The following FAM169A variants were observed in gnomAD, a reference collection of about 807,000 sequenced individuals.
FAM169A encodes the protein soluble lamin-associated protein of 75 kDa.
A neutral mutation model predicts 75.7 loss-of-function variants in FAM169A; 24 were observed. The observed-to-expected ratio is 0.32, with a 90% CI of 0.23 to 0.45. The LOEUF (loss-of-function observed/expected upper bound fraction) is 0.45, where lower values mean the gene tolerates loss of function less well. Ranked by LOEUF, FAM169A falls within the 20% of genes least tolerant of loss-of-function variation. The probability of loss-of-function intolerance (pLI) is 1.00; values close to 1 mark genes in which losing one functional copy is unlikely to be tolerated. For synonymous variants in FAM169A, 271 were observed against 271.0 expected (o/e 1.00, Z 0.00); for missense variants, 673 against 784.0 (o/e 0.86, Z 1.69).
Position 74,804,526 on chromosome 5 carries a change from A to G in FAM169A, c.879T>C (p.Thr293=), listed in dbSNP as rs757187748. ...PASVPEYEAR[T]EDNQSSEMQL... The stretch of plus-strand genomic sequence containing the variant: ...GCATCTCACTAGACTGATTGTCTTC[A>G]GTTCTTGCTTCGTATTCTGGAACAG... The change falls in exon 8 of 13, where the codon ACT becomes ACC. Residue 293 remains threonine, a synonymous_variant. Transcript: ENST00000687041. 5 of 1,609,902 alleles carry G rather than the reference A, an allele frequency of 3.1e-6. No individual in the cohort carries two copies. The South Asian group carries it at 5.5e-5, about 18-fold the overall frequency.
chr5:74,852,168 A>G (rs1437603626), intron 1 of FAM169A, among the ~76,000 whole-genome samples: 3 of 152,212 alleles, frequency 2.0e-5, no homozygotes, highest in Non-Finnish European at 4.4e-5. Flanking sequence ...CAAACTCCCT[A>G]GTATTTTCAC....
intron 1 of FAM169A, among the ~76,000 whole-genome samples, chr5:74,854,498 T>C (rs908442128): frequency 6.6e-6 from 1 of 152,186 alleles, no homozygotes; most frequent in African/African-American, 2.4e-5. Flanking sequence ...AAATGTAGAA[T>C]ACATTGTTGA....
chr5:74,804,932 T>A (rs1299386793), intron 7 of FAM169A, among the ~76,000 whole-genome samples: 1 of 152,112 alleles, frequency 6.6e-6, no homozygotes, highest in African/African-American at 2.4e-5. Flanking sequence ...CTGTTCTAGG[T>A]CTCCTTGTTA....
chr5:74,802,385 TA>T (rs1238276714), intron 8 of FAM169A, among the ~76,000 whole-genome samples: 199 of 141,992 alleles, frequency 1.4e-3, no homozygotes, highest in Admixed American at 3.1e-3. Context: ...ATTTTTTTGA[TA>T]AAAAAAAAAA....
At chr5:74,798,663 G>GAC (rs1746403251) in intron 10 of FAM169A, among the ~76,000 whole-genome samples, 1 of 152,162 alleles carries the variant, frequency 6.6e-6, no homozygotes. Flanking sequence ...AGGAACAGTT[G>GAC]GCAGAACTGT....
chr5:74,815,253 G>A (rs1483132094), intron 5 of FAM169A, among the ~76,000 whole-genome samples: 2 of 151,384 alleles, frequency 1.3e-5, no homozygotes, highest in South Asian at 2.1e-4. Context: ...GCAATGGCAC[G>A]ATTTCAGCTC....
intron 1 of FAM169A, among the ~76,000 whole-genome samples, chr5:74,845,182 T>C (rs774464466): frequency 6.6e-6 from 1 of 152,190 alleles, no homozygotes; most frequent in African/African-American, 2.4e-5. Context: ...TAAGAGGAAC[T>C]ATTTTTACCC....
Position 74,781,905 on chromosome 5 carries a change from T to C in FAM169A, c.1568A>G (p.His523Arg). Residue 523 changes from histidine (H) to arginine (R), a missense_variant, in exon 13 of 13, where the codon CAT (histidine) becomes CGT (arginine). His to Arg is a conservative substitution (Grantham distance 29). Transcript: ENST00000687041. The part of the protein sequence containing the change: ...KLSLLPRKKA[H>R]LGSSDNVATM... ...AGCAACATTGTCTGAACTCCCAAGATGTGCTTTCTTTCTTGGAAGTAGGGA... is the reference window on the plus strand; with the variant it reads ...AGCAACATTGTCTGAACTCCCAAGACGTGCTTTCTTTCTTGGAAGTAGGGA... 2 of 1,613,980 alleles carry C rather than the reference T, an allele frequency of 1.2e-6. No homozygotes were observed. Among genetic ancestry groups the C allele is most frequent in the Non-Finnish European group, 1.7e-6 (2 of 1,179,874 alleles).
intron 5 of FAM169A, among the ~76,000 whole-genome samples, chr5:74,826,739 C>G (rs966886328): frequency 6.6e-6 from 1 of 152,108 alleles, no homozygotes; most frequent in African/African-American, 2.4e-5. Flanking sequence ...TCCTATATAG[C>G]CAAAATACTA....
intron 10 of FAM169A, chr5:74,799,417 C>T (rs981824877): frequency 5.6e-6 from 9 of 1,613,030 alleles, no homozygotes; most frequent in Middle Eastern, 1.7e-4. Flanking sequence ...AAAGCTGATT[C>T]GCTCCACAGT....
At position 74,779,633 on chromosome 5, in the gene FAM169A, T is replaced by TA. The variant is rs944090214; in HGVS notation, c.*1826dup. The TA allele has an allele frequency of 1.3e-5, 2 of 151,940 alleles. No individual in the cohort carries two copies. Among genetic ancestry groups the TA allele is most frequent in the African/African-American group, 4.8e-5 (2 of 41,308 alleles). 9.4% of individuals were successfully genotyped at this position (151,940 alleles called of 1,614,324 possible). ...AATAGTAGTCATACTTTTTTTTTTT[T>TA]ACTTAGTATTAGCATTTGTTGAAAA... On this transcript the variant is annotated 3_prime_UTR_variant, in exon 13 of 13. Transcript: ENST00000687041.
At chr5:74,862,172 C>T (rs1405536602) in intron 1 of FAM169A, among the ~76,000 whole-genome samples, 1 of 152,206 alleles carries the variant, frequency 6.6e-6, no homozygotes, top group Non-Finnish European at 1.5e-5. Flanking sequence ...TCCAATCCAG[C>T]GTTTAAACTG....
At chr5:74,797,428 C>T (rs1338857599) in intron 10 of FAM169A, among the ~76,000 whole-genome samples, 5 of 151,958 alleles carry the variant, frequency 3.3e-5, no homozygotes, top group Non-Finnish European at 5.9e-5. Flanking sequence ...CCACCTGCCT[C>T]GGCCTCCCAA....
chr5:74,798,217 A>G (rs1441726408), intron 10 of FAM169A, among the ~76,000 whole-genome samples: 1 of 152,224 alleles, frequency 6.6e-6, no homozygotes, highest in Non-Finnish European at 1.5e-5. Flanking sequence ...AACTGTGTAC[A>G]TATCTCTCTT....
intron 1 of FAM169A, among the ~76,000 whole-genome samples, chr5:74,842,641 T>TGG (rs1407496629): frequency 3.3e-5 from 5 of 151,528 alleles, no homozygotes; most frequent in Non-Finnish European, 7.4e-5. Flanking sequence ...AAGCAATTCT[T>TGG]CTGCCTTGAC....
intron 8 of FAM169A, among the ~76,000 whole-genome samples, chr5:74,802,144 T>C (rs1746613849): frequency 6.6e-6 from 1 of 152,228 alleles, no homozygotes; most frequent in African/African-American, 2.4e-5. Context: ...GAGTCAGCAA[T>C]GACTTCTTCC....
In FAM169A at chr5:74,808,932, G is replaced by T. The variant is rs139720046; in HGVS notation, c.671-3648C>A. 1.3e-5 allele frequency among the ~76,000 whole-genome samples: 2 copies of T among 152,252 alleles called. 1 individual carries two copies. Among genetic ancestry groups the T allele is most frequent in the Non-Finnish European group, 2.9e-5 (2 of 68,022 alleles). ...ACTTGGTACAGAAATTAGGACACTA[G>T]TCTATCATTTTTTTCCCTGTATATT... On this transcript the variant is annotated intron_variant, in intron 6 of 12. Transcript: ENST00000687041.
intron 8 of FAM169A, among the ~76,000 whole-genome samples, chr5:74,803,295 G>C (rs1484707876): frequency 2.6e-5 from 4 of 151,988 alleles, no homozygotes; most frequent in Non-Finnish European, 4.4e-5. Context: ...AAATGAATCT[G>C]TGTATCTCTC....
rs765067372 is a variant in FAM169A, at chr5:74,841,581, A to C, written c.96T>G (p.Pro32=). Reference sequence around the variant, plus strand: ...GAAGAGAAAAACACTCTGGATTTTCAGGGTCCCCACACCTTAAATCTGACA... The same window carrying C: ...GAAGAGAAAAACACTCTGGATTTTCCGGGTCCCCACACCTTAAATCTGACA... The part of the protein sequence containing the change: ...DYMSDLRCGD[P]ENPECFSLLN... Residue 32 remains proline, a synonymous_variant, in exon 2 of 13, where the codon CCT becomes CCG. Transcript: ENST00000687041. 4 of 1,612,904 alleles carry C rather than the reference A, an allele frequency of 2.5e-6. 1 individual carries two copies. In the South Asian group the frequency reaches 4.4e-5, roughly 18 times the overall value.
Sources: gnomAD v4.1 joint callset for allele counts (sites outside exome capture counted in the v4.1 genomes callset) on GRCh38, gnomAD v4.1.1 for gene constraint, MANE v1.5 for transcripts, NCBI Gene and HGNC (gene_info 2026-07-23, HGNC 2026-07-21) for gene names.